Variants in PRKCB observed in about 807,000 individuals in gnomAD.
PRKCB encodes the protein protein kinase C beta type.
A neutral mutation model predicts 81.5 loss-of-function variants in PRKCB; 13 were observed. That is an observed-to-expected ratio of 0.16 (90% confidence interval 0.10 to 0.25). The LOEUF (loss-of-function observed/expected upper bound fraction) is 0.25. Among genes scored for constraint, PRKCB ranks in the 10% least tolerant of loss-of-function variants. The pLI, the probability that PRKCB is intolerant of heterozygous loss-of-function variation, is 1.00. For missense variants in PRKCB, 509 were observed against 875.7 expected, an observed-to-expected ratio of 0.58 and a Z score of 5.29; for synonymous variants, 335 against 321.4, an observed-to-expected ratio of 1.04 and a Z score of -0.45.
intron 2 of PRKCB, among the ~76,000 whole-genome samples, chr16:23,868,483 T>C (rs1335458807): frequency 6.6e-6 from 1 of 152,256 alleles, no homozygotes; most frequent in Non-Finnish European, 1.5e-5. Flanking sequence ...AATTATCTTA[T>C]TTGATTTTCA....
At chr16:24,049,047 G>GTTTTTTTTTTTTTTTTT (rs1160842975) in intron 5 of PRKCB, among the ~76,000 whole-genome samples, 3 of 49,656 alleles carry the variant, frequency 6.0e-5, no homozygotes, top group Non-Finnish European at 7.0e-5. Flanking sequence ...AAATTGGCCT[G>GTTTTTTTTTTTTTTTTT]TTTTTTTTTT....
chr16:23,871,570 GT>G (rs906254992), intron 2 of PRKCB, among the ~76,000 whole-genome samples: 6 of 151,652 alleles, frequency 4.0e-5, no homozygotes, highest in East Asian at 1.9e-4. Context: ...CCATCACCTT[GT>G]TTTTTTTATC....
intron 9 of PRKCB, among the ~76,000 whole-genome samples, chr16:24,143,675 C>T (rs1966941574): frequency 3.9e-5 from 6 of 152,206 alleles, no homozygotes; most frequent in Admixed American, 3.9e-4. Flanking sequence ...CCACACCTTA[C>T]TGTGTTGAGG....
intron 3 of PRKCB, among the ~76,000 whole-genome samples, chr16:24,021,072 C>CTCCCTCCCTCCTTTCT: frequency 5.3e-5 from 5 of 94,472 alleles, no homozygotes; most frequent in East Asian, 5.9e-4. Flanking sequence ...CCCTCCCTCC[C>CTCCCTCCCTCCTTTCT]TTCTTTCTTT....
intron 5 of PRKCB, among the ~76,000 whole-genome samples, chr16:24,088,728 A>G (rs1966339006): frequency 6.6e-6 from 1 of 152,052 alleles, no homozygotes; most frequent in African/African-American, 2.4e-5. Flanking sequence ...AAAAAAAAAA[A>G]AAAAAAAAAT....
At chr16:24,128,105 G>C (rs565565156) in intron 9 of PRKCB, among the ~76,000 whole-genome samples, 2 of 133,330 alleles carry the variant, frequency 1.5e-5, no homozygotes, top group Non-Finnish European at 3.2e-5. Context: ...GGCCAGGTGC[G>C]GTGGTTTGCG....
At chr16:24,116,702 A>G (rs1396383563) in intron 8 of PRKCB, among the ~76,000 whole-genome samples, 2 of 152,254 alleles carry the variant, frequency 1.3e-5, no homozygotes, top group Non-Finnish European at 2.9e-5. Context: ...AAATTAAGAC[A>G]GGAAGGCAGT....
intron 15 of PRKCB, 101 bp from the exon 16 acceptor site, chr16:24,190,989 T>G: frequency 1.5e-6 from 2 of 1,371,178 alleles, no homozygotes; most frequent in African/African-American, 1.5e-5. Flanking sequence ...AGATTCTTCA[T>G]TTGCGCTTTC....
chr16:24,105,556 C>T (rs979845640), intron 7 of PRKCB, among the ~76,000 whole-genome samples: 88 of 152,078 alleles, frequency 5.8e-4, no homozygotes, highest in Admixed American at 4.6e-3. Context: ...TAACAGGCCC[C>T]GGTGTGTAAT....
chr16:24,144,497 C>T (rs1966959217), intron 9 of PRKCB, among the ~76,000 whole-genome samples: 1 of 152,150 alleles, frequency 6.6e-6, no homozygotes, highest in Non-Finnish European at 1.5e-5. Context: ...GACAGGGTTT[C>T]ACCATGTTGG....
chr16:24,212,271 T>C (rs1968150064), intron 16 of PRKCB, among the ~76,000 whole-genome samples: 1 of 152,054 alleles, frequency 6.6e-6, no homozygotes, highest in African/African-American at 2.4e-5. Flanking sequence ...AAACACCTAT[T>C]TCACAGAGTT....
intron 7 of PRKCB, among the ~76,000 whole-genome samples, chr16:24,110,596 A>G (rs1966664138): frequency 6.8e-6 from 1 of 146,526 alleles, no homozygotes; most frequent in Admixed American, 7.0e-5. Flanking sequence ...AGCTCACTGC[A>G]GCCTTGACCT....
At chr16:24,077,054 G>A (rs918082151) in intron 5 of PRKCB, among the ~76,000 whole-genome samples, 6 of 152,116 alleles carry the variant, frequency 3.9e-5, no homozygotes, top group African/African-American at 1.4e-4. Flanking sequence ...CCATAGCCTG[G>A]CAAGTAAACT....
At chr16:23,881,947 TCTTC>T (rs1963114955) in intron 2 of PRKCB, among the ~76,000 whole-genome samples, 1 of 152,026 alleles carries the variant, frequency 6.6e-6, no homozygotes, top group Non-Finnish European at 1.5e-5. Context: ...ATGGCTGGTT[TCTTC>T]CTTTTTTTCT....
chr16:23,870,081 A>G (rs866565240), intron 2 of PRKCB, among the ~76,000 whole-genome samples: 2 of 152,180 alleles, frequency 1.3e-5, no homozygotes, highest in South Asian at 2.1e-4. Context: ...TACTGTTGGC[A>G]GACAAGAATC....
At chr16:23,963,200 G>A (rs1231498447) in intron 2 of PRKCB, 1 of 152,254 alleles carries the variant, frequency 6.6e-6, no homozygotes, top group Non-Finnish European at 1.5e-5. Context: ...ACATGGGCAA[G>A]TTTCCTCACC....
chr16:23,984,138 G>T (rs1014665836), intron 2 of PRKCB, among the ~76,000 whole-genome samples: 2 of 152,134 alleles, frequency 1.3e-5, no homozygotes, highest in Non-Finnish European at 2.9e-5. Context: ...TTAATGAAGA[G>T]GAATGGGAAT....
intron 2 of PRKCB, among the ~76,000 whole-genome samples, chr16:23,925,922 C>T (rs1963890323): frequency 6.6e-6 from 1 of 150,678 alleles, no homozygotes. Flanking sequence ...TTGACTTTCT[C>T]TTTCTGAGTT....
At chr16:24,063,402 C>T (rs1965996863) in intron 5 of PRKCB, among the ~76,000 whole-genome samples, 2 of 151,696 alleles carry the variant, frequency 1.3e-5, no homozygotes, top group African/African-American at 4.8e-5. Flanking sequence ...TCAAGCGATT[C>T]TCCTGCCTCA....
Sources: gnomAD v4.1 joint callset for allele counts (sites outside exome capture counted in the v4.1 genomes callset) on GRCh38, gnomAD v4.1.1 for gene constraint, MANE v1.5 for transcripts, NCBI Gene and HGNC (gene_info 2026-07-23, HGNC 2026-07-21) for gene names.